Variants in MID1 observed in about 807,000 individuals in gnomAD.
MID1 encodes the protein midline 1.
In MID1, 7 loss-of-function variants were observed where a neutral mutation model predicts 40.4. The observed-to-expected ratio is 0.17, with a 90% confidence interval of 0.10 to 0.33. The LOEUF is 0.33. MID1 is among the 10% of genes least tolerant of loss of function. MID1 has a pLI of 1.00. For synonymous variants in MID1, 229 were observed against 221.2 expected (o/e 1.04, Z -0.31); for missense variants, 367 against 558.5 (o/e 0.66, Z 3.46).
intron 1 of MID1, among the ~76,000 whole-genome samples, chrX:10,630,558 G>A (rs776828499): frequency 2.7e-5 from 3 of 110,553 alleles, no homozygotes; most frequent in African/African-American, 9.9e-5. Context: ...CAGTGGTTGT[G>A]GGTGGGTGTT....
At chrX:10,691,131 C>A (rs1602519290) in intron 1 of MID1, among the ~76,000 whole-genome samples, 1 of 112,245 alleles carries the variant, frequency 8.9e-6, no homozygotes, top group African/African-American at 3.2e-5. Context: ...TTCAAATTTT[C>A]TAGTGGCCAC....
intron 1 of MID1, among the ~76,000 whole-genome samples, chrX:10,721,475 G>C (rs1194879734): frequency 1.8e-5 from 2 of 110,563 alleles, no homozygotes; most frequent in Admixed American, 9.6e-5. Context: ...TTCATATAAA[G>C]TGTAATTTTG....
At chrX:10,613,732 T>TATATATATAG (rs1482081086) in intron 1 of MID1, among the ~76,000 whole-genome samples, 7 of 17,480 alleles carry the variant, frequency 4.0e-4, no homozygotes, top group Admixed American at 8.9e-4. Flanking sequence ...TATATATATA[T>TATATATATAG]AGAGAGAGAG....
chrX:10,698,252 C>A (rs1233457956), intron 1 of MID1, among the ~76,000 whole-genome samples: 1 of 88,253 alleles, frequency 1.1e-5, no homozygotes, highest in East Asian at 5.7e-4. Flanking sequence ...CCCATCCCTG[C>A]AACCATCCAG....
At chrX:10,756,876 G>T (rs2147117710) in intron 1 of MID1, among the ~76,000 whole-genome samples, 1 of 111,706 alleles carries the variant, frequency 9.0e-6, no homozygotes, top group South Asian at 3.8e-4. Context: ...ACTTTCCCGG[G>T]CATTGGACCC....
At chrX:10,796,427 G>GT (rs1203656064) in intron 1 of MID1, among the ~76,000 whole-genome samples, 84 of 87,657 alleles carry the variant, frequency 9.6e-4, no homozygotes, top group East Asian at 5.1e-3. Context: ...TTTTTTTTCA[G>GT]TTTTTTTTTT....
intron 7 of MID1, among the ~76,000 whole-genome samples, chrX:10,464,409 G>A (rs1264944916): frequency 2.7e-5 from 3 of 111,578 alleles, no homozygotes; most frequent in Non-Finnish European, 3.8e-5. Context: ...TTCATTTTGG[G>A]GATGAGGTGA....
At chrX:10,536,086 G>A (rs972946551) in intron 2 of MID1, among the ~76,000 whole-genome samples, 48 of 109,619 alleles carry the variant, frequency 4.4e-4, no homozygotes, top group African/African-American at 1.5e-3. Flanking sequence ...TTAGCTGGGC[G>A]TGGTGGCATG....
chrX:10,541,186 C>T (rs1035001191), intron 2 of MID1, among the ~76,000 whole-genome samples: 1 of 112,154 alleles, frequency 8.9e-6, no homozygotes, highest in African/African-American at 3.2e-5. Context: ...ATACATGAGC[C>T]GAAAAGAAAG....
intron 3 of MID1, chrX:10,501,661 G>T: frequency 1.5e-6 from 1 of 680,984 alleles, no homozygotes. Flanking sequence ...AGCATTGAGG[G>T]TCACTCGGCT....
At chrX:10,655,508 C>T (rs2042864743) in intron 1 of MID1, among the ~76,000 whole-genome samples, 2 of 111,095 alleles carry the variant, frequency 1.8e-5, no homozygotes, top group African/African-American at 6.5e-5. Context: ...AGAATAGAAA[C>T]AGGAAGAAGC....
chrX:10,482,719 T>C, intron 4 of MID1, 91 bp from the exon 5 acceptor site: 2 of 981,922 alleles, frequency 2.0e-6, no homozygotes, highest in African/African-American at 3.7e-5. Context: ...TTTGTTGTGT[T>C]ATCCTTCCAT....
chrX:10,565,002 TAAA>T (rs5901437), intron 2 of MID1, among the ~76,000 whole-genome samples: 1,428 of 77,859 alleles, frequency 0.018, 33 homozygotes, highest in African/African-American at 0.059. Flanking sequence ...AAAAAAGGGG[TAAA>T]AAAAAAAAAA....
At chrX:10,815,790 G>A (rs1195073191) in intron 1 of MID1, among the ~76,000 whole-genome samples, 2 of 112,262 alleles carry the variant, frequency 1.8e-5, no homozygotes, top group African/African-American at 6.5e-5. Context: ...TTTTCTAAAT[G>A]GTCCAAAGAA....
intron 3 of MID1, among the ~76,000 whole-genome samples, chrX:10,501,862 C>CTAAAA (rs764257853): frequency 8.9e-6 from 1 of 111,806 alleles, no homozygotes; most frequent in Non-Finnish European, 1.9e-5. Flanking sequence ...AGTCTCCCTG[C>CTAAAA]TAAGTTTTAT....
chrX:10,653,490 T>G (rs1351208494), intron 1 of MID1, among the ~76,000 whole-genome samples: 1 of 112,477 alleles, frequency 8.9e-6, no homozygotes, highest in African/African-American at 3.2e-5. Flanking sequence ...TTGTTAATGC[T>G]AAAATCATCC....
intron 1 of MID1, among the ~76,000 whole-genome samples, chrX:10,751,567 C>T (rs2043598803): frequency 9.2e-6 from 1 of 108,717 alleles, no homozygotes; most frequent in Non-Finnish European, 1.9e-5. Flanking sequence ...AGAGGTTGAG[C>T]CTTCAGTGAG....
chrX:10,510,830 CAA>C (rs1185825614), intron 3 of MID1, among the ~76,000 whole-genome samples: 15 of 23,945 alleles, frequency 6.3e-4, no homozygotes, highest in East Asian at 1.7e-3. Flanking sequence ...GACTCTGTCT[CAA>C]AAAAAAAAAA....
At position 10,792,177 on chromosome X, in the gene MID1, C is replaced by A. The variant is rs1186995884; in HGVS notation, c.-187+41377G>T. On this transcript the variant is annotated intron_variant, in intron 1 of 10. Transcript: ENST00000380785. ...GTTTTAATGTAAAACCAGACATAGA[C>A]AATATGTAAATGAATGGGGATGGCC... Among the ~76,000 whole-genome samples, 3 of 111,819 alleles carry A rather than the reference C, an allele frequency of 2.7e-5. No homozygotes were observed. In the Admixed American group the frequency reaches 2.9e-4, roughly 11 times the overall value.
Sources: allele counts gnomAD v4.1 joint callset (sites outside exome capture counted in the v4.1 genomes callset), GRCh38; gene constraint gnomAD v4.1.1; transcripts MANE v1.5; gene names NCBI Gene and HGNC (gene_info 2026-07-23, HGNC 2026-07-21).